The following FOXP1 variants were observed in gnomAD, a reference collection of about 807,000 sequenced individuals.
FOXP1 encodes the protein forkhead box protein P1.
Under a neutral mutation model 98.2 loss-of-function variants are expected in FOXP1, and 15 were observed. That is an observed-to-expected ratio of 0.15 (90% CI 0.10 to 0.24). The LOEUF is 0.24. Among genes scored for constraint, FOXP1 ranks in the 10% least tolerant of loss-of-function variants. The pLI is 1.00. For missense variants in FOXP1, 633 were observed against 848.5 expected (o/e 0.75, Z 3.15); for synonymous variants, 371 against 314.5 (o/e 1.18, Z -1.90).
At chr3:71,177,852 T>C (rs1485244207) in intron 6 of FOXP1, among the ~76,000 whole-genome samples, 1 of 146,990 alleles carries the variant, frequency 6.8e-6, no homozygotes, top group East Asian at 1.9e-4. Flanking sequence ...TTTTTTTTTT[T>C]TTTTTTTGAG....
At chr3:71,217,477 T>C (rs1374335836) in intron 5 of FOXP1, among the ~76,000 whole-genome samples, 1 of 152,168 alleles carries the variant, frequency 6.6e-6, no homozygotes, top group Non-Finnish European at 1.5e-5. Context: ...GATTTGTGAT[T>C]TTTTTTGCTT....
rs1298446824 is a variant in FOXP1, at chr3:71,182,041, AAG to A, written c.180+16159_180+16160del. ...CAGAGCGAGACTCCATCTCAAAAAA[AAG>A]AAAAAAAAGAAAAAAAAAGAAAAAG... is the stretch of plus-strand genomic sequence containing the variant. On this transcript the variant is annotated intron_variant, in intron 6 of 20. Coordinates refer to ENST00000649528, the MANE Select transcript of FOXP1 (RefSeq NM_001349338.3). Among the ~76,000 whole-genome samples the A allele has an allele frequency of 8.5e-5, 10 of 117,302 alleles. 1 individual carries two copies. The highest frequency in any genetic ancestry group is 9.0e-5 in the Admixed American group (1 of 11,134). The allele number at this position is 117,302 out of a possible 152,430, so 77.0% of individuals were successfully genotyped here. A position where few individuals can be genotyped will look rare whatever the true frequency, so the allele number is the denominator to read the frequency against.
chr3:71,088,067 C>T lies in FOXP1; in HGVS notation c.282+24469G>A, dbSNP rs572594263. Among the ~76,000 whole-genome samples, 23 of 152,316 alleles carry T rather than the reference C, an allele frequency of 1.5e-4. No individual in the cohort carries two copies. The South Asian group carries it at 1.7e-3, about 11-fold the overall frequency. ...ACTATGGTCAAAAAAGCAAAGCTGACGGTCAACCATAAGCAGTGCAGTGGT... is the reference window on the plus strand; with the variant it reads ...ACTATGGTCAAAAAAGCAAAGCTGATGGTCAACCATAAGCAGTGCAGTGGT... On this transcript the variant is annotated intron_variant, in intron 7 of 20. Transcript: ENST00000649528.
chr3:71,473,679 C>A (rs1316819345), intron 3 of FOXP1, among the ~76,000 whole-genome samples: 4 of 141,560 alleles, frequency 2.8e-5, no homozygotes, highest in Non-Finnish European at 6.1e-5. Flanking sequence ...AAATGTCCAA[C>A]AGAAGGAACA....
chr3:71,086,701 G>A lies in FOXP1; in HGVS notation c.282+25835C>T, dbSNP rs750314921. Among the ~76,000 whole-genome samples, 28 of 152,240 alleles carry A rather than the reference G, an allele frequency of 1.8e-4. No individual in the cohort carries two copies. The Middle Eastern group carries it at 0.01, about 55-fold the overall frequency. ...AATGCCTCTCTTCCAAATCATCAGC[G>A]ACATTTAACATGACCCTGAGCAGCA... On this transcript the variant is annotated intron_variant, in intron 7 of 20. Coordinates refer to ENST00000649528, the MANE Select transcript of FOXP1 (RefSeq NM_001349338.3).
intron 2 of FOXP1, among the ~76,000 whole-genome samples, chr3:71,522,521 C>G (rs1289413873): frequency 6.6e-6 from 1 of 152,124 alleles, no homozygotes; most frequent in Non-Finnish European, 1.5e-5. Flanking sequence ...TTTCCTGATT[C>G]TCAGCGTCTT....
intron 7 of FOXP1, among the ~76,000 whole-genome samples, chr3:71,111,065 A>C (rs2057880140): frequency 6.6e-6 from 1 of 152,218 alleles, no homozygotes; most frequent in Non-Finnish European, 1.5e-5. Context: ...AAGAACTAGA[A>C]CTTGTTGGTC....
At chr3:71,397,049 C>CATATATGTGTGTATATATATAT (rs779949151) in intron 3 of FOXP1, among the ~76,000 whole-genome samples, 2 of 41,420 alleles carry the variant, frequency 4.8e-5, no homozygotes, top group Non-Finnish European at 9.4e-5. Context: ...TATATATATA[C>CATATATGTGTGTATATATATAT]ACATATATAT....
intron 3 of FOXP1, among the ~76,000 whole-genome samples, chr3:71,476,619 G>A (rs1422713638): frequency 2.0e-5 from 3 of 151,616 alleles, no homozygotes; most frequent in African/African-American, 4.8e-5. Flanking sequence ...GCCTCCTGAG[G>A]AGCTGGGATT....
rs1428729012 is a variant in FOXP1 at position 71,541,842 on chromosome 3, C to CA, written c.-298+39706dup. 4.0e-5 allele frequency: 17 copies of CA among 420,962 alleles called. No individual in the cohort carries two copies. In the East Asian group the frequency reaches 1.1e-3, roughly 27 times the overall value. The allele number at this position is 420,962 out of a possible 1,614,324, so 26.1% of individuals were successfully genotyped here. A position where few individuals can be genotyped will look rare whatever the true frequency, so the allele number is the denominator to read the frequency against. ...AAAAGACTCCTGGTTTTAAAACAAACAAAAAAACACCTTCTAGATTATTTA... is the reference window on the plus strand; with the variant it reads ...AAAAGACTCCTGGTTTTAAAACAAACAAAAAAAACACCTTCTAGATTATTTA... On this transcript the variant is annotated intron_variant, in intron 2 of 20. Coordinates refer to ENST00000649528, the MANE Select transcript of FOXP1 (RefSeq NM_001349338.3).
At chr3:71,070,398 T>G (rs1223490324) in intron 7 of FOXP1, among the ~76,000 whole-genome samples, 1 of 152,208 alleles carries the variant, frequency 6.6e-6, no homozygotes, top group Non-Finnish European at 1.5e-5. Context: ...ATAAAACACC[T>G]TCTTAGCAGT....
At chr3:71,038,669 T>G (rs1428834520) in intron 11 of FOXP1, among the ~76,000 whole-genome samples, 1 of 152,118 alleles carries the variant, frequency 6.6e-6, no homozygotes, top group Non-Finnish European at 1.5e-5. Context: ...TGCTTTTTTT[T>G]TTTTTTAATT....
At chr3:71,033,448 C>A (rs982979386) in intron 11 of FOXP1, among the ~76,000 whole-genome samples, 1 of 151,956 alleles carries the variant, frequency 6.6e-6, no homozygotes, top group Non-Finnish European at 1.5e-5. Context: ...TATTGGAAAG[C>A]ATTTATCATT....
intron 4 of FOXP1, among the ~76,000 whole-genome samples, chr3:71,311,353 G>A (rs1016650707): frequency 2.6e-5 from 4 of 152,214 alleles, no homozygotes; most frequent in African/African-American, 4.8e-5. Context: ...GCCTCCCAAA[G>A]TGCTGGGATT....
intron 5 of FOXP1, among the ~76,000 whole-genome samples, chr3:71,203,466 T>C (rs1219182810): frequency 1.3e-5 from 2 of 152,260 alleles, no homozygotes; most frequent in African/African-American, 4.8e-5. Flanking sequence ...TATAGTAAAT[T>C]AAAGCTGTGC....
chr3:71,455,171 G>A (rs1224599390), intron 3 of FOXP1, among the ~76,000 whole-genome samples: 1 of 152,052 alleles, frequency 6.6e-6, no homozygotes, highest in Non-Finnish European at 1.5e-5. Flanking sequence ...CATGCTTTCA[G>A]TGCTAAACTC....
intron 12 of FOXP1, among the ~76,000 whole-genome samples, chr3:71,014,770 C>T (rs918309078): frequency 3.3e-5 from 5 of 152,014 alleles, no homozygotes; most frequent in Middle Eastern, 3.4e-3. Context: ...GACTGGATTA[C>T]GAAAATGTGG....
At chr3:71,186,093 G>A (rs1194737632) in intron 6 of FOXP1, among the ~76,000 whole-genome samples, 1 of 152,200 alleles carries the variant, frequency 6.6e-6, no homozygotes. Flanking sequence ...TTTGAATGCA[G>A]GGTGATACTG....
chr3:71,327,867 C>A (rs770283808), intron 4 of FOXP1, among the ~76,000 whole-genome samples: 18 of 152,038 alleles, frequency 1.2e-4, no homozygotes, highest in Admixed American at 1.2e-3. Context: ...CAAAATAAGG[C>A]GCATATAAAT....
Sources: allele counts gnomAD v4.1 joint callset (sites outside exome capture counted in the v4.1 genomes callset), GRCh38; gene constraint gnomAD v4.1.1; transcripts MANE v1.5; gene names NCBI Gene and HGNC (gene_info 2026-07-23, HGNC 2026-07-21).